Variants in CSMD1 observed in about 807,000 individuals in gnomAD.
CSMD1 encodes the protein CUB and sushi domain-containing protein 1.
A neutral mutation model predicts 417.5 loss-of-function variants in CSMD1; 213 were observed. The observed-to-expected ratio is 0.51, with a 90% CI of 0.46 to 0.57. The LOEUF is 0.57. CSMD1 is among the 20% of genes least tolerant of loss of function. CSMD1 has a pLI of 0.00. For missense variants in CSMD1, 6,923 were observed against 4,529.7 expected (o/e 1.53, Z -15.17); for synonymous variants, 2,862 against 1,736.8 (o/e 1.65, Z -16.11).
At chr8:4,898,126 C>A (rs1313831175) in intron 1 of CSMD1, among the ~76,000 whole-genome samples, 1 of 151,936 alleles carries the variant, frequency 6.6e-6, no homozygotes, top group Non-Finnish European at 1.5e-5. Flanking sequence ...ATAAATATTG[C>A]CCATATATAT....
At chr8:3,794,857 T>A (rs1468616614) in intron 5 of CSMD1, among the ~76,000 whole-genome samples, 1 of 116,924 alleles carries the variant, frequency 8.6e-6, no homozygotes, top group Non-Finnish European at 1.9e-5. Flanking sequence ...ATATCCGGGA[T>A]CAATTTACCA....
intron 28 of CSMD1, among the ~76,000 whole-genome samples, chr8:3,223,208 G>A (rs566759240): frequency 3.9e-5 from 6 of 152,256 alleles, no homozygotes; most frequent in Middle Eastern, 3.4e-3. Flanking sequence ...AGTTTAGCAA[G>A]TACAAGTTAG....
chr8:4,589,284 T>C lies in CSMD1; in HGVS notation c.302+48058A>G, dbSNP rs1004556378. On this transcript the variant is annotated intron_variant, in intron 2 of 69. Transcript: ENST00000635120. The stretch of plus-strand genomic sequence containing the variant: ...TCTAAATTTGTGTTTTGCCTCTGCA[T>C]ATATTATGCCAATAAGAATGATGCC... Among the ~76,000 whole-genome samples the C allele has an allele frequency of 4.6e-5, 7 of 152,364 alleles. No individual in the cohort carries two copies. In the South Asian group the frequency reaches 1.4e-3, roughly 32 times the overall value.
At chr8:4,839,039 G>C (rs1052716682) in intron 1 of CSMD1, among the ~76,000 whole-genome samples, 2 of 151,966 alleles carry the variant, frequency 1.3e-5, no homozygotes, top group Non-Finnish European at 2.9e-5. Context: ...TAACTTTTTG[G>C]AATTGGTTTT....
intron 5 of CSMD1, among the ~76,000 whole-genome samples, chr8:3,937,460 C>A (rs776434840): frequency 6.6e-6 from 1 of 152,138 alleles, no homozygotes; most frequent in South Asian, 2.1e-4. Flanking sequence ...CATCCATCAA[C>A]ATTGACGAAA....
intron 3 of CSMD1, among the ~76,000 whole-genome samples, chr8:4,251,006 T>G (rs1803032222): frequency 6.6e-6 from 1 of 152,182 alleles, no homozygotes; most frequent in African/African-American, 2.4e-5. Context: ...TAAATCACAG[T>G]TAATGACAAG....
chr8:4,740,383 G>C (rs974515208), intron 1 of CSMD1, among the ~76,000 whole-genome samples: 2 of 152,108 alleles, frequency 1.3e-5, no homozygotes, highest in African/African-American at 4.8e-5. Flanking sequence ...TACAGTATTA[G>C]AATGAGGAAA....
At chr8:3,873,515 G>C (rs753807673) in intron 5 of CSMD1, among the ~76,000 whole-genome samples, 2 of 151,946 alleles carry the variant, frequency 1.3e-5, no homozygotes, top group African/African-American at 4.8e-5. Context: ...AGAACACAGG[G>C]ACACATAAAG....
At chr8:4,360,788 C>G (rs559803068) in intron 3 of CSMD1, among the ~76,000 whole-genome samples, 10 of 151,668 alleles carry the variant, frequency 6.6e-5, no homozygotes, top group Non-Finnish European at 1.0e-4. Flanking sequence ...GCCACTGCAC[C>G]CGGCCCCTCG....
intron 26 of CSMD1, among the ~76,000 whole-genome samples, chr8:3,275,025 GA>G (rs142532512): frequency 0.27 from 41,555 of 151,762 alleles, 5,839 homozygotes; most frequent in African/African-American, 0.34. Context: ...TCCTAGCCTT[GA>G]TGGTCTTTAC....
At chr8:3,659,745 C>G (rs1825182) in intron 7 of CSMD1, among the ~76,000 whole-genome samples, 34,840 of 152,006 alleles carry the variant, frequency 0.23, 4,372 homozygotes, top group East Asian at 0.44. Flanking sequence ...TCCCCCAACA[C>G]CCCTATGAAA....
At chr8:3,772,110 G>C (rs550672030) in intron 5 of CSMD1, among the ~76,000 whole-genome samples, 2 of 149,418 alleles carry the variant, frequency 1.3e-5, no homozygotes, top group Non-Finnish European at 3.0e-5. Context: ...TTTTGTGTGA[G>C]TGCTCTAAAC....
At chr8:3,304,573 A>C (rs889934869) in intron 25 of CSMD1, among the ~76,000 whole-genome samples, 3 of 152,160 alleles carry the variant, frequency 2.0e-5, no homozygotes, top group African/African-American at 2.4e-5. Context: ...TAAGCTGCTT[A>C]TTGGGAAGAA....
At chr8:3,453,524 T>C (rs961753344) in intron 12 of CSMD1, among the ~76,000 whole-genome samples, 4 of 152,216 alleles carry the variant, frequency 2.6e-5, no homozygotes, top group East Asian at 1.9e-4. Context: ...TTTGTTCTCA[T>C]TGGTTTCAAA....
chr8:3,657,105 T>C lies in CSMD1; in HGVS notation c.1010-40308A>G, dbSNP rs146621986. Among the ~76,000 whole-genome samples the C allele has an allele frequency of 3.3e-3, 505 of 152,258 alleles. 1 individual carries two copies. Among genetic ancestry groups the C allele is most frequent in the Middle Eastern group, 0.014 (4 of 294 alleles). ...CACTACCGAGTTGCTGCACTGGACA[T>C]TGTCATTGGAGAATATGGCATCATC... On this transcript the variant is annotated intron_variant, in intron 7 of 69. Transcript: ENST00000635120.
intron 1 of CSMD1, among the ~76,000 whole-genome samples, chr8:4,886,283 C>T (rs933859475): frequency 2.1e-4 from 32 of 152,198 alleles, no homozygotes; most frequent in African/African-American, 7.5e-4. Flanking sequence ...TTTTGAGCTT[C>T]AACTTTGTCA....
intron 5 of CSMD1, among the ~76,000 whole-genome samples, chr8:3,757,329 C>T (rs1449318606): frequency 6.6e-6 from 1 of 152,182 alleles, no homozygotes; most frequent in Non-Finnish European, 1.5e-5. Context: ...GGAAATTGTT[C>T]AACTTTGCAG....
chr8:4,103,461 G>A (rs115477517), intron 3 of CSMD1, among the ~76,000 whole-genome samples: 5,012 of 150,608 alleles, frequency 0.033, 286 homozygotes, highest in African/African-American at 0.11. Context: ...ACATCCACAT[G>A]ATTATTTTAA....
At chr8:4,852,935 G>C (rs998392486) in intron 1 of CSMD1, among the ~76,000 whole-genome samples, 1 of 152,166 alleles carries the variant, frequency 6.6e-6, no homozygotes, top group Non-Finnish European at 1.5e-5. Flanking sequence ...GTACATGGCA[G>C]AAGGAATTTC....
Sources: gnomAD v4.1 joint callset for allele counts (sites outside exome capture counted in the v4.1 genomes callset) on GRCh38, gnomAD v4.1.1 for gene constraint, MANE v1.5 for transcripts, NCBI Gene and HGNC (gene_info 2026-07-23, HGNC 2026-07-21) for gene names.